Variants in CA6 observed in about 807,000 individuals in gnomAD.
The protein encoded by CA6 is carbonic anhydrase 6.
In CA6, 28 loss-of-function variants were observed where a neutral mutation model predicts 35.9. The ratio of observed to expected loss-of-function variants is 0.78; its 90% CI spans 0.58 to 1.07. The LOEUF (loss-of-function observed/expected upper bound fraction) is 1.07, where lower values mean the gene tolerates loss of function less well. CA6 is among the 50% of genes least tolerant of loss of function. CA6 has a pLI of 0.00. For synonymous variants in CA6, 148 were observed against 152.6 expected (o/e 0.97, Z 0.22); for missense variants, 377 against 382.0 (o/e 0.99, Z 0.11).
intron 7 of CA6, among the ~76,000 whole-genome samples, chr1:8,973,779 TCTTTC>T (rs1316836178): frequency 9.0e-5 from 2 of 22,314 alleles, no homozygotes; most frequent in South Asian, 4.1e-3. Flanking sequence ...TTTCTTTCTT[TCTTTC>T]TTTTCCCTCC....
intron 4 of CA6, among the ~76,000 whole-genome samples, chr1:8,961,423 T>C (rs1025994894): frequency 2.8e-4 from 42 of 152,162 alleles, no homozygotes; most frequent in Admixed American, 2.1e-3. Flanking sequence ...AATAGAAGGA[T>C]GAGGATGAAA....
chr1:8,965,164 AAC>A (rs1639937355), intron 5 of CA6, among the ~76,000 whole-genome samples: 1 of 152,094 alleles, frequency 6.6e-6, no homozygotes, highest in South Asian at 2.1e-4. Flanking sequence ...GAATCGCTTA[AAC>A]CCGGGAGGTG....
Position 8,949,249 on chromosome 1 carries a change from C to G in CA6, c.80-14C>G, listed in dbSNP as rs1352766671. 6.3e-7 allele frequency: 1 copy of G among 1,579,930 alleles called. No homozygotes were observed. The highest frequency in any genetic ancestry group is 8.6e-7 in the Non-Finnish European group (1 of 1,163,232). On this transcript the variant is annotated splice_polypyrimidine_tract_variant and intron_variant, in intron 1 of 7. Coordinates refer to ENST00000377443, the MANE Select transcript of CA6 (RefSeq NM_001215.4). ...AGCCAGGCAGCCCCTTGAACTGTGT[C>G]TTTCCTGTCTTAGAAGGGGCACTGG...
At position 8,949,177 on chromosome 1, in the gene CA6, C is replaced by CCTGGCCT. The variant is rs112371501; in HGVS notation, c.80-71_80-65dup. 65 of 1,086,948 alleles carry CCTGGCCT rather than the reference C, an allele frequency of 6.0e-5. No individual in the cohort carries two copies. The African/African-American group carries it at 9.3e-4, about 16-fold the overall frequency. 67.3% of individuals were successfully genotyped at this position (1,086,948 alleles called of 1,614,324 possible). Reference sequence around the variant, plus strand: ...CTCCGTGGGTCCCCGCCCAGCAGGCCCTGGCCTCTGGCCTCTGGCCTGGTG... The same window carrying CCTGGCCT: ...CTCCGTGGGTCCCCGCCCAGCAGGCCCTGGCCTCTGGCCTCTGGCCTCTGGCCTGGTG... On this transcript the variant is annotated intron_variant, in intron 1 of 7. Coordinates refer to ENST00000377443, the MANE Select transcript of CA6 (RefSeq NM_001215.4).
At chr1:8,951,481 G>A (rs760955632) in intron 2 of CA6, 3 of 765,090 alleles carry the variant, frequency 3.9e-6, no homozygotes, top group Non-Finnish European at 7.2e-6. Flanking sequence ...AAGGGGCGAA[G>A]CACAAAGGCC....
intron 4 of CA6, among the ~76,000 whole-genome samples, chr1:8,961,486 T>C (rs1294167716): frequency 6.6e-6 from 1 of 152,226 alleles, no homozygotes; most frequent in Non-Finnish European, 1.5e-5. Flanking sequence ...AAGTTAATAT[T>C]AACCTGACAT....
At chr1:8,958,801 T>G (rs1639757659) in intron 3 of CA6, 109 bp from the exon 4 acceptor site, 1 of 658,562 alleles carries the variant, frequency 1.5e-6, no homozygotes, top group Admixed American at 2.4e-5. Flanking sequence ...TGTGGAACAG[T>G]CTGAGGCCTC....
chr1:8,946,033 C>A, intron 1 of CA6, 68 bp downstream of exon 1: 1 of 919,680 alleles, frequency 1.1e-6, no homozygotes, highest in Non-Finnish European at 1.7e-6. Flanking sequence ...AAGTGCCCTT[C>A]TTCTTCTTCT....
chr1:8,959,318 T>C (rs972326739), intron 4 of CA6, among the ~76,000 whole-genome samples: 1 of 150,120 alleles, frequency 6.7e-6, no homozygotes, highest in Non-Finnish European at 1.5e-5. Context: ...GCATTTCCTT[T>C]TTTTTTTTTT....
intron 3 of CA6, 113 bp downstream of exon 3, chr1:8,957,398 T>C (rs1381310700): frequency 8.9e-6 from 9 of 1,010,242 alleles, no homozygotes; most frequent in Non-Finnish European, 1.3e-5. Context: ...TGGAGTGCAG[T>C]GGCACAATCT....
Position 8,973,784 on chromosome 1 carries a change from C to CTTCT in CA6, c.845-836_845-835insCTTT, listed in dbSNP as rs1553164191. Among the ~76,000 whole-genome samples, 126 of 52,046 alleles carry CTTCT rather than the reference C, an allele frequency of 2.4e-3. 11 individuals carry two copies. The highest frequency in any genetic ancestry group is 8.9e-3 in the African/African-American group (120 of 13,558). The allele number at this position is 52,046 out of a possible 152,430, so 34.1% of individuals were successfully genotyped here. ...TCTTTCTTTCTTTCTTTCTTTCTTT[C>CTTCT]TTTTCCCTCCCTCCCTCTCTCTCTC... On this transcript the variant is annotated intron_variant, in intron 7 of 7. Transcript: ENST00000377443.
rs186115837 is a variant in CA6, at chr1:8,972,430, T to C, written c.844+1449T>C. Among the ~76,000 whole-genome samples the C allele has an allele frequency of 2.0e-3, 308 of 152,240 alleles. 5 individuals are homozygous for C. The East Asian group carries it at 0.055, about 27-fold the overall frequency. On this transcript the variant is annotated intron_variant, in intron 7 of 7. Coordinates refer to ENST00000377443, the MANE Select transcript of CA6 (RefSeq NM_001215.4). ...GCTCACGCCTGTAATCCCAGCACTT[T>C]GGGAGGCTGAGGCGGGCAGATCACG...
chr1:8,953,619 CTCAATCAATCAATCAATCAGTCAA>C (rs939764903), intron 2 of CA6, among the ~76,000 whole-genome samples: 5 of 139,544 alleles, frequency 3.6e-5, no homozygotes, highest in Non-Finnish European at 7.9e-5. Context: ...AAGACCTTCT[CTCAATCAATCAATCAATCAGTCAA>C]TCAATCAATC....
chr1:8,958,644 C>T (rs1639753450), intron 3 of CA6, among the ~76,000 whole-genome samples: 1 of 152,186 alleles, frequency 6.6e-6, no homozygotes, highest in Admixed American at 6.6e-5. Flanking sequence ...AGCTTGTCTG[C>T]CTGGAGGGAG....
At chr1:8,967,179 A>G (rs1023500640) in intron 5 of CA6, among the ~76,000 whole-genome samples, 5 of 151,982 alleles carry the variant, frequency 3.3e-5, no homozygotes, top group Non-Finnish European at 7.4e-5. Flanking sequence ...AAACCAAGGC[A>G]TTTTGGTCTT....
chr1:8,957,785 C>CAAAAAAAA (rs869085886), intron 3 of CA6, among the ~76,000 whole-genome samples: 2 of 79,302 alleles, frequency 2.5e-5, no homozygotes, highest in African/African-American at 4.3e-5. Flanking sequence ...CTTGTGTCTA[C>CAAAAAAAA]AAAAAAAAAA....
intron 2 of CA6, among the ~76,000 whole-genome samples, chr1:8,955,868 C>A (rs1333225198): frequency 6.6e-6 from 1 of 152,200 alleles, no homozygotes; most frequent in Non-Finnish European, 1.5e-5. Context: ...GTTTTAAATA[C>A]CTCATATTTG....
Position 8,962,590 on chromosome 1 carries a change from A to G in CA6, c.505A>G (p.Lys169Glu), listed in dbSNP as rs1639867774. Residue 169 changes from lysine to glutamate, a missense_variant, in exon 5 of 8, where the codon AAG becomes GAG. Lys to Glu is a moderately conservative substitution (Grantham distance 56). Transcript: ENST00000377443. ...AGTGCTCTGTGTTTCTCTGCAGGTG[A>G]AGAATTACCCTGAAAACACTTATTA... ...LAVLAAFVEV[K>E]NYPENTYYSN... The G allele has an allele frequency of 8.1e-6, 13 of 1,613,226 alleles. No homozygotes were observed. Among genetic ancestry groups the G allele is most frequent in the East Asian group, 2.2e-5 (1 of 44,892 alleles).
chr1:8,946,988 G>C (rs1273020698), intron 1 of CA6, among the ~76,000 whole-genome samples: 2 of 151,822 alleles, frequency 1.3e-5, no homozygotes, highest in Admixed American at 1.3e-4. Flanking sequence ...ATTTTTAGTG[G>C]AGATGGGGTT....
Sources: allele counts gnomAD v4.1 joint callset (sites outside exome capture counted in the v4.1 genomes callset), GRCh38; gene constraint gnomAD v4.1.1; transcripts MANE v1.5; gene names NCBI Gene and HGNC (gene_info 2026-07-23, HGNC 2026-07-21).